Variants in CMYA5 observed in about 807,000 individuals in gnomAD.
CMYA5 encodes the protein cardiomyopathy associated 5, also known as cardiomyopathy-associated protein 5.
Under a neutral mutation model 318.9 loss-of-function variants are expected in CMYA5, and 246 were observed. The ratio of observed to expected loss-of-function variants is 0.77; its 90% CI spans 0.70 to 0.86. The LOEUF (loss-of-function observed/expected upper bound fraction) is 0.86. Among genes scored for constraint, CMYA5 ranks in the 40% least tolerant of loss-of-function variants. CMYA5 has a pLI of 0.00. For synonymous variants in CMYA5, 1,641 were observed against 1,729.5 expected (o/e 0.95, Z 1.27); for missense variants, 4,589 against 4,678.2 (o/e 0.98, Z 0.56).
intron 1 of CMYA5, 91 bp downstream of exon 1, chr5:79,690,147 C>T (rs1209031925): frequency 4.4e-6 from 6 of 1,359,794 alleles, no homozygotes; most frequent in Admixed American, 3.8e-5. Context: ...CTCTGGGGTT[C>T]GTTTGCCTCG....
intron 2 of CMYA5, among the ~76,000 whole-genome samples, chr5:79,740,772 T>G (rs1290218028): frequency 6.6e-6 from 1 of 152,218 alleles, no homozygotes; most frequent in Admixed American, 6.5e-5. Context: ...TCTCACCTCT[T>G]TAATCCATTC....
Position 79,731,633 on chromosome 5 carries a change from A to G in CMYA5, c.2868A>G (p.Ser956=), listed in dbSNP as rs759322544. 4.9e-5 allele frequency: 79 copies of G among 1,613,582 alleles called. No individual in the cohort carries two copies. The highest frequency in any genetic ancestry group is 6.6e-5 in the Non-Finnish European group (78 of 1,179,676). ...SPDSAFVSEF[S]FPPYATQEAE... ...ATTCTGCATTTGTGTCAGAATTCTC[A>G]TTTCCACCGTATGCAACCCAGGAAG... Residue 956 remains serine, a synonymous_variant, in exon 2 of 13, where the codon TCA becomes TCG. Coordinates refer to ENST00000446378, the MANE Select transcript of CMYA5 (RefSeq NM_153610.5).
In CMYA5 at chr5:79,790,988, T is replaced by A; in HGVS notation, c.11708T>A (p.Leu3903Ter). Residue 3903 changes from leucine to a stop codon, truncating the protein, a stop_gained, in exon 11 of 13, where the codon TTG becomes TAG. Coordinates refer to ENST00000446378, the MANE Select transcript of CMYA5 (RefSeq NM_153610.5). LOFTEE classifies it high-confidence loss of function. ...GCAATAGGAACCAGATTTCTCTTGT[T>A]GAGAGAAACAGCTCATCCTGCTCTA... ...ISTRGTRFLL[L>*]RETAHPALHI... The A allele has an allele frequency of 6.2e-7, 1 of 1,613,040 alleles. No individual in the cohort carries two copies. The highest frequency in any genetic ancestry group is 8.5e-7 in the Non-Finnish European group (1 of 1,179,166).
intron 6 of CMYA5, among the ~76,000 whole-genome samples, chr5:79,757,650 G>A (rs1010109032): frequency 6.6e-6 from 1 of 152,146 alleles, no homozygotes; most frequent in Non-Finnish European, 1.5e-5. Context: ...TCTTAAAAGG[G>A]TTTCATTTGC....
chr5:79,689,917 C>A lies in CMYA5; in HGVS notation c.10C>A (p.Arg4Ser). The A allele has an allele frequency of 1.2e-6, 1 of 864,656 alleles. No homozygotes were observed. The allele number at this position is 864,656 out of a possible 1,614,324, so 53.6% of individuals were successfully genotyped here. Residue 4 changes from arginine (R) to serine (S), a missense_variant, in exon 1 of 13, where the codon CGC becomes AGC. Physicochemically the swap from Arg to Ser is moderately radical, Grantham distance 110. Transcript: ENST00000446378. ...AGGCCCGGGAGAGGCGATGGCGAGC[C>A]GCGATAGCAACCACGCTGGCGAGAG... MAS[R>S]DSNHAGESFL...
At chr5:79,745,495 A>G (rs765053151) in intron 4 of CMYA5, 40 bp downstream of exon 4, 1 of 1,243,642 alleles carries the variant, frequency 8.0e-7, no homozygotes, top group African/African-American at 1.5e-5. Flanking sequence ...CCTTGCGCCC[A>G]CTCTGGCACA....
At chr5:79,726,909 A>ATTTTTGTTTTTTTTTT (rs1827758687) in intron 1 of CMYA5, among the ~76,000 whole-genome samples, 2 of 96,042 alleles carry the variant, frequency 2.1e-5, no homozygotes, top group African/African-American at 1.0e-4. Context: ...TAGGCCAGTG[A>ATTTTTGTTTTTTTTTT]TTTTTTTTTT....
chr5:79,723,743 C>T (rs147646752), intron 1 of CMYA5, among the ~76,000 whole-genome samples: 2,143 of 142,430 alleles, frequency 0.015, 55 homozygotes, highest in African/African-American at 0.055. Flanking sequence ...GCCTGGGTGA[C>T]AGAGCGAGTC....
Position 79,736,485 on chromosome 5 carries a change from ATC to A in CMYA5, c.7724_7725del (p.Ser2575PhefsTer7). On this transcript the variant is annotated frameshift_variant, in exon 2 of 13. Coordinates refer to ENST00000446378, the MANE Select transcript of CMYA5 (RefSeq NM_153610.5). LOFTEE classifies it high-confidence loss of function. ...VAESMSRESDISLGHSLGETQ... is the reference protein window; with the variant it reads ...VAESMSRESDXSLGHSLGETQ... ...CGAGTCTATGAGTAGAGAATCAGAT[ATC>A]TCTTTAGGTCATTCTTTGGGTGAAA... The A allele has an allele frequency of 6.2e-7, 1 of 1,611,640 alleles. No homozygotes were observed. The highest frequency in any genetic ancestry group is 1.1e-5 in the South Asian group (1 of 90,782).
At chr5:79,772,242 G>C (rs1413747428) in intron 9 of CMYA5, among the ~76,000 whole-genome samples, 1 of 152,036 alleles carries the variant, frequency 6.6e-6, no homozygotes, top group Non-Finnish European at 1.5e-5. Flanking sequence ...TATTTTTCTT[G>C]TTGCAGGCAA....
rs185543134 is a variant in CMYA5, at chr5:79,710,701, A to G, written c.150-18214A>G. On this transcript the variant is annotated intron_variant, in intron 1 of 12. Transcript: ENST00000446378. ...GAAATTTATATTTGGTTATTAGAAA[A>G]ATTTTTTATTTTTACAGGTAGGACC... 4.6e-3 allele frequency among the ~76,000 whole-genome samples: 701 copies of G among 152,152 alleles called. 5 individuals are homozygous for G. Among genetic ancestry groups the G allele is most frequent in the African/African-American group, 0.016 (665 of 41,498 alleles).
chr5:79,724,321 C>T lies in CMYA5; in HGVS notation c.150-4594C>T, dbSNP rs556691075. On this transcript the variant is annotated intron_variant, in intron 1 of 12. Transcript: ENST00000446378. ...CTGGGCAAGAAGAGCGAAACTCCAT[C>T]CCCCACCCAAAAAATTGTTTAATAA... Among the ~76,000 whole-genome samples the T allele has an allele frequency of 1.1e-3, 160 of 152,212 alleles. 1 individual carries two copies. Among genetic ancestry groups the T allele is most frequent in the African/African-American group, 3.8e-3 (156 of 41,516 alleles).
Position 79,689,897 on chromosome 5 carries a change from C to G in CMYA5, c.-11C>G, listed in dbSNP as rs760888016. ...TCCGGCTCCGGCCCCGGCCCAGGCC[C>G]GGGAGAGGCGATGGCGAGCCGCGAT... On this transcript the variant is annotated 5_prime_UTR_variant, in exon 1 of 13. Transcript: ENST00000446378. The G allele has an allele frequency of 2.6e-6, 2 of 763,262 alleles. No homozygotes were observed. The highest frequency in any genetic ancestry group is 2.3e-6 in the Non-Finnish European group (1 of 439,522). The allele number at this position is 763,262 out of a possible 1,614,324, so 47.3% of individuals were successfully genotyped here. A position where few individuals can be genotyped will look rare whatever the true frequency, so the allele number is the denominator to read the frequency against.
intron 1 of CMYA5, among the ~76,000 whole-genome samples, chr5:79,722,911 AAAAG>A (rs1827669618): frequency 6.6e-6 from 1 of 152,084 alleles, no homozygotes; most frequent in Admixed American, 6.6e-5. Context: ...ACTAAAAACA[AAAAG>A]AAATTCTGAA....
chr5:79,720,134 T>A (rs1474413411), intron 1 of CMYA5, among the ~76,000 whole-genome samples: 1 of 151,962 alleles, frequency 6.6e-6, no homozygotes, highest in Non-Finnish European at 1.5e-5. Flanking sequence ...TTGAACAGAG[T>A]ATGGCTGAGG....
intron 5 of CMYA5, among the ~76,000 whole-genome samples, chr5:79,750,426 C>T (rs1828408427): frequency 6.6e-6 from 1 of 152,288 alleles, no homozygotes; most frequent in Non-Finnish European, 1.5e-5. Flanking sequence ...CAACAGCAGA[C>T]TATTAGTAGC....
chr5:79,740,921 T>G (rs977058102), intron 2 of CMYA5, among the ~76,000 whole-genome samples: 1 of 152,136 alleles, frequency 6.6e-6, no homozygotes, highest in Non-Finnish European at 1.5e-5. Flanking sequence ...CAGGCTGGAG[T>G]GCAGTGGTGT....
intron 10 of CMYA5, among the ~76,000 whole-genome samples, chr5:79,790,011 T>C (rs1468694630): frequency 6.6e-6 from 1 of 152,174 alleles, no homozygotes; most frequent in African/African-American, 2.4e-5. Context: ...TGAAAGGAAG[T>C]GAGGAATGGA....
rs376968185 is a variant in CMYA5, at chr5:79,731,212, T to G, written c.2447T>G (p.Ile816Ser). 3 of 1,613,856 alleles carry G rather than the reference T, an allele frequency of 1.9e-6. No homozygotes were observed. The highest frequency in any genetic ancestry group is 1.7e-6 in the Non-Finnish European group (2 of 1,179,902). The change falls in exon 2 of 13, where the codon ATC (isoleucine) becomes AGC (serine). Residue 816 changes from isoleucine (I) to serine (S), a missense_variant. Physicochemically the swap from Ile to Ser is moderately radical, Grantham distance 142 (BLOSUM62 -2). This residue lies in a region of CMYA5 where 2,132 missense variants were observed against 2,131.3 expected (regional missense o/e 1.00). Transcript: ENST00000446378. ...NATQESQKKI[I>S]NEASQFKPKG... ...ACACAGGAATCTCAAAAGAAAATAA[T>G]CAATGAGGCATCCCAATTCAAACCA...
Sources: allele counts gnomAD v4.1 joint callset (sites outside exome capture counted in the v4.1 genomes callset), GRCh38; gene constraint gnomAD v4.1.1; regional missense constraint gnomAD v4.1.1; transcripts MANE v1.5; gene names NCBI Gene and HGNC (gene_info 2026-07-23, HGNC 2026-07-21).